Variants in BTBD9 observed in about 807,000 individuals in gnomAD.
The protein encoded by BTBD9 is BTB/POZ domain-containing protein 9.
In BTBD9, 49 loss-of-function variants were observed where a neutral mutation model predicts 64.3. The ratio of observed to expected loss-of-function variants is 0.76; its 90% CI spans 0.61 to 0.97. BTBD9 has a LOEUF of 0.97. Among genes scored for constraint, BTBD9 ranks in the 50% least tolerant of loss-of-function variants. The pLI is 0.00. For synonymous variants in BTBD9, 260 were observed against 274.7 expected, an observed-to-expected ratio of 0.95 and a Z score of 0.53; for missense variants, 598 against 762.1, an observed-to-expected ratio of 0.78 and a Z score of 2.53.
intron 7 of BTBD9, among the ~76,000 whole-genome samples, chr6:38,335,712 T>G (rs1246983950): frequency 6.6e-6 from 1 of 151,228 alleles, no homozygotes; most frequent in Non-Finnish European, 1.5e-5. Flanking sequence ...ACTACAGGCG[T>G]GCGCCACCAT....
intron 4 of BTBD9, among the ~76,000 whole-genome samples, chr6:38,581,906 G>A (rs757528889): frequency 2.6e-5 from 4 of 152,124 alleles, no homozygotes; most frequent in South Asian, 2.1e-4. Context: ...AAAAGCACAC[G>A]ATAAGAGAAC....
intron 6 of BTBD9, among the ~76,000 whole-genome samples, chr6:38,390,773 C>T (rs1023221966): frequency 6.6e-6 from 1 of 152,172 alleles, no homozygotes; most frequent in African/African-American, 2.4e-5. Context: ...TTCTTTAATA[C>T]AATCGTAAGC....
chr6:38,417,801 A>AGAGAGAGAG (rs56268245), intron 6 of BTBD9, among the ~76,000 whole-genome samples: 11,129 of 136,740 alleles, frequency 0.081, 556 homozygotes, highest in African/African-American at 0.12. Context: ...AGAGAGAGAG[A>AGAGAGAGAG]AAAAAAATAT....
chr6:38,187,474 C>T (rs1382350652), intron 10 of BTBD9, among the ~76,000 whole-genome samples: 1 of 152,212 alleles, frequency 6.6e-6, no homozygotes, highest in Non-Finnish European at 1.5e-5. Context: ...ACACCGACAT[C>T]TGTCTGCCAT....
chr6:38,275,329 C>A (rs1190252435), intron 8 of BTBD9, among the ~76,000 whole-genome samples: 1 of 151,910 alleles, frequency 6.6e-6, no homozygotes, highest in Non-Finnish European at 1.5e-5. Flanking sequence ...CTTCCTTACA[C>A]CTTATACAAA....
chr6:38,533,041 A>C (rs1773865487), intron 6 of BTBD9, among the ~76,000 whole-genome samples: 1 of 152,014 alleles, frequency 6.6e-6, no homozygotes, highest in Non-Finnish European at 1.5e-5. Flanking sequence ...GCAATTACTT[A>C]CCAATGATAA....
At chr6:38,235,458 G>A (rs1172798042) in intron 9 of BTBD9, among the ~76,000 whole-genome samples, 1 of 152,148 alleles carries the variant, frequency 6.6e-6, no homozygotes, top group African/African-American at 2.4e-5. Context: ...TCTGAAACCT[G>A]AGCTAGTGAG....
At chr6:38,296,715 C>A (rs1762168090) in intron 7 of BTBD9, among the ~76,000 whole-genome samples, 1 of 152,092 alleles carries the variant, frequency 6.6e-6, no homozygotes, top group South Asian at 2.1e-4. Flanking sequence ...AAAAGTTAAT[C>A]ATTTCTAAAT....
At chr6:38,443,456 CT>C (rs1562194855) in intron 6 of BTBD9, among the ~76,000 whole-genome samples, 1 of 152,186 alleles carries the variant, frequency 6.6e-6, no homozygotes, top group East Asian at 1.9e-4. Context: ...TCACTTTCCC[CT>C]TATTCTGGCA....
At chr6:38,366,539 A>G (rs963107290) in intron 6 of BTBD9, among the ~76,000 whole-genome samples, 1 of 152,266 alleles carries the variant, frequency 6.6e-6, no homozygotes, top group African/African-American at 2.4e-5. Context: ...GCAGAACCCA[A>G]GAGTAAAATG....
chr6:38,232,922 T>G (rs1440332799), intron 9 of BTBD9, among the ~76,000 whole-genome samples: 1 of 152,216 alleles, frequency 6.6e-6, no homozygotes, highest in Non-Finnish European at 1.5e-5. Flanking sequence ...GATGCTGTGT[T>G]CACCCTGGGT....
At chr6:38,595,765 C>T in intron 2 of BTBD9, 1 of 985,084 alleles carries the variant, frequency 1.0e-6, no homozygotes, top group Middle Eastern at 5.2e-4. Context: ...ATATTCTGAG[C>T]ATACCTCTTC....
intron 7 of BTBD9, among the ~76,000 whole-genome samples, chr6:38,309,317 C>T (rs527255186): frequency 1.9e-4 from 29 of 151,316 alleles, no homozygotes; most frequent in African/African-American, 6.3e-4. Context: ...TGCAGTGAGC[C>T]GAGATCATAC....
chr6:38,204,465 G>GT (rs1466395282), intron 9 of BTBD9, among the ~76,000 whole-genome samples: 1 of 152,156 alleles, frequency 6.6e-6, no homozygotes, highest in Admixed American at 6.5e-5. Context: ...AAAGGATCAT[G>GT]TATTGTATGA....
Position 38,559,394 on chromosome 6 carries a change from A to G in BTBD9, c.1154+18206T>C, listed in dbSNP as rs372905944. Among the ~76,000 whole-genome samples the G allele has an allele frequency of 2.3e-4, 35 of 152,336 alleles. No individual in the cohort carries two copies. In the South Asian group the frequency reaches 7.2e-3, roughly 32 times the overall value. ...AAGGAGGTGAAAGATCTCTACAAGG[A>G]CAACTATAAAACACTGCTGAAAGAA... On this transcript the variant is annotated intron_variant, in intron 6 of 10. Coordinates refer to ENST00000481247, the MANE Select transcript of BTBD9 (RefSeq NM_001099272.2).
intron 6 of BTBD9, among the ~76,000 whole-genome samples, chr6:38,564,359 G>A (rs1209588920): frequency 6.6e-6 from 1 of 152,146 alleles, no homozygotes; most frequent in Admixed American, 6.5e-5. Flanking sequence ...CCATGTAGCA[G>A]GCACTCAGTA....
intron 8 of BTBD9, among the ~76,000 whole-genome samples, chr6:38,265,528 G>T (rs1481632746): frequency 3.4e-5 from 5 of 147,922 alleles, no homozygotes; most frequent in Non-Finnish European, 5.9e-5. Context: ...TTAAGACAGG[G>T]TCTCAATCTG....
At chr6:38,443,535 A>C (rs76521763) in intron 6 of BTBD9, among the ~76,000 whole-genome samples, 3,517 of 152,230 alleles carry the variant, frequency 0.023, 77 homozygotes, top group East Asian at 0.096. Flanking sequence ...TCTCTCCTCC[A>C]AAATAGCTTC....
At chr6:38,198,547 G>A (rs1762346104) in intron 9 of BTBD9, among the ~76,000 whole-genome samples, 1 of 152,210 alleles carries the variant, frequency 6.6e-6, no homozygotes, top group African/African-American at 2.4e-5. Context: ...TCAGGATCCT[G>A]TGGCAAGGGT....
Sources: allele counts gnomAD v4.1 joint callset (sites outside exome capture counted in the v4.1 genomes callset), GRCh38; gene constraint gnomAD v4.1.1; transcripts MANE v1.5; gene names NCBI Gene and HGNC (gene_info 2026-07-23, HGNC 2026-07-21).